The following FBP2 variants were observed in gnomAD, a reference collection of about 807,000 sequenced individuals.
The protein encoded by FBP2 is fructose-bisphosphatase 2.
FBP2 carries 27 observed loss-of-function variants against 31.6 expected under a neutral mutation model. The ratio of observed to expected loss-of-function variants is 0.85; its 90% CI spans 0.63 to 1.18. The LOEUF (loss-of-function observed/expected upper bound fraction) is 1.18. FBP2 is among the 50% of genes most tolerant of loss of function. The pLI is 0.00. For missense variants in FBP2, 421 were observed against 436.1 expected (o/e 0.97, Z 0.31); for synonymous variants, 168 against 179.8 (o/e 0.93, Z 0.53).
At chr9:94,567,117 T>C (rs1827200441) in intron 5 of FBP2, among the ~76,000 whole-genome samples, 153 bp downstream of exon 5, 1 of 124,826 alleles carries the variant, frequency 8.0e-6, no homozygotes, top group Non-Finnish European at 1.7e-5. Flanking sequence ...ACTGAATGCT[T>C]ATGAAGAAAG....
chr9:94,579,322 C>T (rs1353580609), intron 3 of FBP2, among the ~76,000 whole-genome samples: 10 of 143,190 alleles, frequency 7.0e-5, no homozygotes, highest in Non-Finnish European at 1.5e-4. Flanking sequence ...GGTGTGAACC[C>T]AGTAGGCGGA....
Position 94,558,971 on chromosome 9 carries a change from G to A in FBP2, c.987C>T (p.Leu329=). The A allele has an allele frequency of 1.2e-6, 2 of 1,614,128 alleles. No individual in the cohort carries two copies. Among genetic ancestry groups the A allele is most frequent in the South Asian group, 1.1e-5 (1 of 91,080 alleles). ...LGSPEDVQEY[L]TCVQKNQAGS is the part of the protein sequence containing the mutation. ...CTGCCTGATTTTTCTGCACACAGGT[G>A]AGATATTCCTGCACATCCTCTGGTG... The change falls in exon 7 of 7, where the codon CTC becomes CTT. Residue 329 remains leucine (L), a synonymous_variant. Transcript: ENST00000375337.
intron 3 of FBP2, 78 bp from the exon 4 acceptor site, chr9:94,571,680 A>G (rs1827272021): frequency 2.3e-6 from 3 of 1,280,534 alleles, no homozygotes; most frequent in South Asian, 1.6e-5. Context: ...TGGGCTTCAG[A>G]TCTCCTCGAA....
At chr9:94,585,206 A>G (rs868731011) in intron 2 of FBP2, among the ~76,000 whole-genome samples, 3 of 152,162 alleles carry the variant, frequency 2.0e-5, no homozygotes, top group Non-Finnish European at 4.4e-5. Flanking sequence ...GCCAGAGTAG[A>G]AAAGTTAGAT....
intron 1 of FBP2, among the ~76,000 whole-genome samples, chr9:94,588,448 C>G (rs1827454014): frequency 6.6e-6 from 1 of 151,956 alleles, no homozygotes; most frequent in South Asian, 2.1e-4. Context: ...ACAGTGAGAC[C>G]CTGTCTTTAC....
chr9:94,590,407 GC>G (rs1265072507), intron 1 of FBP2, among the ~76,000 whole-genome samples: 4 of 151,148 alleles, frequency 2.6e-5, no homozygotes, highest in African/African-American at 7.4e-5. Context: ...CGGAGCCCTT[GC>G]TAGAAAGATC....
chr9:94,559,474 T>G (rs980679208), intron 6 of FBP2, among the ~76,000 whole-genome samples: 1 of 151,880 alleles, frequency 6.6e-6, no homozygotes, highest in Non-Finnish European at 1.5e-5. Context: ...AAACTGATGC[T>G]GCAGGCCTTG....
At chr9:94,583,515 T>A (rs1205454536) in intron 3 of FBP2, among the ~76,000 whole-genome samples, 1 of 152,222 alleles carries the variant, frequency 6.6e-6, no homozygotes, top group Non-Finnish European at 1.5e-5. Context: ...CAAGACTCTG[T>A]AAGAGCACGG....
chr9:94,571,446 C>G lies in FBP2; in HGVS notation c.567+16G>C. On this transcript the variant is annotated intron_variant, in intron 4 of 6. Coordinates refer to ENST00000375337, the MANE Select transcript of FBP2 (RefSeq NM_003837.4). ...TGGAGTCCCCAGGCACAGATGATGCCATATTCTGTACCTACCGGGTCAAGC... is the reference window on the plus strand; with the variant it reads ...TGGAGTCCCCAGGCACAGATGATGCGATATTCTGTACCTACCGGGTCAAGC... The G allele has an allele frequency of 6.3e-7, 1 of 1,595,246 alleles. No individual in the cohort carries two copies. The highest frequency in any genetic ancestry group is 8.5e-7 in the Non-Finnish European group (1 of 1,170,888).
At chr9:94,567,181 CTT>C (rs1827201919) in intron 5 of FBP2, 87 bp downstream of exon 5, 2 of 1,390,432 alleles carry the variant, frequency 1.4e-6, no homozygotes, top group Admixed American at 1.8e-5. Flanking sequence ...GCACCAACCT[CTT>C]TCAGCAAAGC....
At chr9:94,563,867 A>G in intron 5 of FBP2, among the ~76,000 whole-genome samples, 1 of 152,196 alleles carries the variant, frequency 6.6e-6, no homozygotes, top group East Asian at 1.9e-4. Context: ...TAGACTTTAA[A>G]CCAATAAAGT....
At chr9:94,575,251 A>G (rs4744357) in intron 3 of FBP2, among the ~76,000 whole-genome samples, 65,771 of 151,974 alleles carry the variant, frequency 0.43, 14,848 homozygotes, top group Admixed American at 0.53. Context: ...GTGGACTTTA[A>G]GCCTAGTGAA....
chr9:94,563,080 A>C (rs113649547), intron 6 of FBP2, among the ~76,000 whole-genome samples: 14 of 152,362 alleles, frequency 9.2e-5, no homozygotes, highest in African/African-American at 3.4e-4. Flanking sequence ...CAGCTGGTTC[A>C]TGGTGAACGG....
chr9:94,570,424 A>G (rs1827255559), intron 4 of FBP2: 1 of 152,216 alleles, frequency 6.6e-6, no homozygotes, highest in Admixed American at 6.5e-5. Flanking sequence ...AATGGGAATA[A>G]TTGTAGGACA....
chr9:94,567,310 G>A lies in FBP2; in HGVS notation c.665C>T (p.Ala222Val), dbSNP rs371546490. 5.5e-4 allele frequency: 886 copies of A among 1,614,062 alleles called. 7 individuals are homozygous for A. In the South Asian group the frequency reaches 8.4e-3, roughly 15 times the overall value. ...TTTCTGCACATATTCAGTGGTGGCC[G>A]CATCAAAATACTTGGCATAGCCCTC... The part of the protein sequence containing the change: ...LNEGYAKYFD[A>V]ATTEYVQKKK... The change falls in exon 5 of 7, where the codon GCG (alanine) becomes GTG (valine). Residue 222 changes from alanine (A) to valine (V), a missense_variant. Transcript: ENST00000375337.
chr9:94,565,089 A>G (rs752966697), intron 5 of FBP2, among the ~76,000 whole-genome samples: 3 of 152,076 alleles, frequency 2.0e-5, no homozygotes, highest in Non-Finnish European at 4.4e-5. Context: ...AAATAAAACA[A>G]TGGGTCTGGC....
Position 94,558,868 on chromosome 9 carries a change from T to G in FBP2, c.*70A>C. 7.1e-7 allele frequency: 1 copy of G among 1,410,952 alleles called. No individual in the cohort carries two copies. Among genetic ancestry groups the G allele is most frequent in the Non-Finnish European group, 1.0e-6 (1 of 999,536 alleles). 87.4% of individuals were successfully genotyped at this position (1,410,952 alleles called of 1,614,324 possible). On this transcript the variant is annotated 3_prime_UTR_variant, in exon 7 of 7. Coordinates refer to ENST00000375337, the MANE Select transcript of FBP2 (RefSeq NM_003837.4). ...TGTATACTCATAGCTACCATCTCTG[T>G]TTATCGTTCATTTAGGGTCCTTAGA... is the stretch of plus-strand genomic sequence containing the variant.
intron 1 of FBP2, among the ~76,000 whole-genome samples, chr9:94,588,465 A>T (rs1367930096): frequency 1.3e-5 from 2 of 152,102 alleles, no homozygotes; most frequent in East Asian, 3.9e-4. Flanking sequence ...TTACAAAAAA[A>T]TACAAAAATT....
At position 94,558,803 on chromosome 9, in the gene FBP2, G is replaced by A; in HGVS notation, c.*135C>T. On this transcript the variant is annotated 3_prime_UTR_variant, in exon 7 of 7. Transcript: ENST00000375337. ...CTTCCAAACCTGTCGTAAGCAGTTT[G>A]TTGTTGCTCTTCTGTATGTGATTAA... The A allele has an allele frequency of 1.3e-6, 1 of 793,474 alleles. No homozygotes were observed. The highest frequency in any genetic ancestry group is 1.6e-5 in the South Asian group (1 of 63,210). The allele number at this position is 793,474 out of a possible 1,614,324, so 49.2% of individuals were successfully genotyped here.
Sources: allele counts gnomAD v4.1 joint callset (sites outside exome capture counted in the v4.1 genomes callset), GRCh38; gene constraint gnomAD v4.1.1; transcripts MANE v1.5; gene names NCBI Gene and HGNC (gene_info 2026-07-23, HGNC 2026-07-21).